Variants in ME3 observed in about 807,000 individuals in gnomAD.
ME3 encodes malic enzyme 3.
ME3 carries 48 observed loss-of-function variants against 68.9 expected under a neutral mutation model. The observed-to-expected ratio is 0.70, with a 90% confidence interval of 0.55 to 0.89. The LOEUF (loss-of-function observed/expected upper bound fraction) is 0.89. Ranked by LOEUF, ME3 falls within the 40% of genes least tolerant of loss-of-function variation. The pLI is 0.00. For synonymous variants in ME3, 320 were observed against 318.8 expected, an observed-to-expected ratio of 1.00 and a Z score of -0.04; for missense variants, 675 against 797.4, an observed-to-expected ratio of 0.85 and a Z score of 1.85.
At chr11:86,668,706 G>A (rs935241367) in intron 2 of ME3, among the ~76,000 whole-genome samples, 3 of 152,296 alleles carry the variant, frequency 2.0e-5, no homozygotes, top group African/African-American at 4.8e-5. Context: ...TGCCCTGGTC[G>A]GCACCTCTTC....
rs561538994 is a variant in ME3, at chr11:86,666,858, CTGAT to C, written c.183+4900_183+4903del. Among the ~76,000 whole-genome samples the C allele has an allele frequency of 3.9e-5, 6 of 152,328 alleles. No homozygotes were observed. In the South Asian group the frequency reaches 1.0e-3, roughly 26 times the overall value. On this transcript the variant is annotated intron_variant, in intron 2 of 14. Coordinates refer to ENST00000543262, the Ensembl canonical transcript of ME3. The stretch of plus-strand genomic sequence containing the variant: ...ATCCATACAACACACTTAACATCTC[CTGAT>C]TGATGAGCCAAATCCATAGTAACAA...
At chr11:86,642,711 A>C (rs774563908) in intron 2 of ME3, among the ~76,000 whole-genome samples, 14 of 152,200 alleles carry the variant, frequency 9.2e-5, no homozygotes, top group Non-Finnish European at 1.9e-4. Flanking sequence ...CTTATAAAAT[A>C]AAATCAAATA....
At chr11:86,655,791 T>C (rs374381460) in intron 2 of ME3, among the ~76,000 whole-genome samples, 13,497 of 151,338 alleles carry the variant, frequency 0.089, 637 homozygotes, top group Non-Finnish European at 0.11. Flanking sequence ...CAAAAGAAAC[T>C]ACCATCAGAG....
intron 8 of ME3, 91 bp from the exon 9 acceptor site, chr11:86,450,489 G>T: frequency 9.4e-7 from 1 of 1,069,248 alleles, no homozygotes; most frequent in Non-Finnish European, 1.4e-6. Context: ...ATCTGGGACT[G>T]TGGAGGAACA....
At chr11:86,582,491 T>C (rs1475522601) in intron 2 of ME3, among the ~76,000 whole-genome samples, 1 of 152,138 alleles carries the variant, frequency 6.6e-6, no homozygotes, top group African/African-American at 2.4e-5. Context: ...TGCTAATCCT[T>C]AACACACATT....
intron 2 of ME3, among the ~76,000 whole-genome samples, chr11:86,639,841 A>G (rs1944556834): frequency 6.6e-6 from 1 of 152,208 alleles, no homozygotes; most frequent in Non-Finnish European, 1.5e-5. Flanking sequence ...AAAGTCTCTA[A>G]GAAGGGCAGA....
chr11:86,554,522 T>G (rs775046081), intron 4 of ME3, among the ~76,000 whole-genome samples: 9 of 152,244 alleles, frequency 5.9e-5, no homozygotes, highest in Non-Finnish European at 1.2e-4. Context: ...TATCAATCCT[T>G]TCTCCTTTCT....
At chr11:86,439,304 A>G (rs1220893259), downstream of ME3, among the ~76,000 whole-genome samples, 1 of 152,232 alleles carries the variant, frequency 6.6e-6, no homozygotes, top group Non-Finnish European at 1.5e-5. Flanking sequence ...TAATTTTGAT[A>G]TGATTTTAAA....
intron 3 of ME3, 100 bp from the exon 4 acceptor site, chr11:86,556,802 G>T: frequency 7.5e-7 from 1 of 1,326,430 alleles, no homozygotes; most frequent in Non-Finnish European, 1.0e-6. Flanking sequence ...TTCCTGCTCA[G>T]CCCGGAACAT....
At chr11:86,446,046 G>A (rs1228137622) in intron 13 of ME3, among the ~76,000 whole-genome samples, 3 of 152,078 alleles carry the variant, frequency 2.0e-5, no homozygotes, top group African/African-American at 7.2e-5. Context: ...GACGCAGGGG[G>A]CAGTATGAGG....
chr11:86,653,159 C>T (rs1014402990), intron 2 of ME3, among the ~76,000 whole-genome samples: 3 of 152,232 alleles, frequency 2.0e-5, no homozygotes, highest in South Asian at 2.1e-4. Context: ...GACTTTAACA[C>T]CCCACTGTCA....
chr11:86,542,093 A>C (rs60517578), intron 4 of ME3, among the ~76,000 whole-genome samples: 3,004 of 152,354 alleles, frequency 0.02, 111 homozygotes, highest in African/African-American at 0.069. Flanking sequence ...TAACAAACAG[A>C]AAGGAATAGC....
chr11:86,636,934 A>T (rs1266992936), intron 2 of ME3, among the ~76,000 whole-genome samples: 1 of 152,210 alleles, frequency 6.6e-6, no homozygotes, highest in Non-Finnish European at 1.5e-5. Flanking sequence ...AAGCTTTAGG[A>T]TGCTGTGAGG....
chr11:86,521,688 A>G (rs1954324482), intron 4 of ME3, among the ~76,000 whole-genome samples: 1 of 152,188 alleles, frequency 6.6e-6, no homozygotes, highest in Non-Finnish European at 1.5e-5. Context: ...GTCTTGACAC[A>G]ATTATTAACA....
intron 2 of ME3, among the ~76,000 whole-genome samples, chr11:86,560,746 GTGTA>G (rs758891244): frequency 0.14 from 12,896 of 89,920 alleles, 1,031 homozygotes; most frequent in South Asian, 0.28. Flanking sequence ...GTGTGTGTGT[GTGTA>G]TATATATATA....
At chr11:86,470,985 A>G (rs1387693896) in intron 7 of ME3, among the ~76,000 whole-genome samples, 6 of 151,938 alleles carry the variant, frequency 3.9e-5, no homozygotes, top group Non-Finnish European at 1.5e-5. Context: ...CTGAACACCT[A>G]CTCAGGTCTT....
intron 4 of ME3, among the ~76,000 whole-genome samples, chr11:86,532,452 G>A (rs1211655423): frequency 6.6e-6 from 1 of 152,172 alleles, no homozygotes; most frequent in African/African-American, 2.4e-5. Context: ...CTCCTGGATA[G>A]ATCATATGTT....
intron 2 of ME3, among the ~76,000 whole-genome samples, chr11:86,651,223 G>A (rs964380273): frequency 1.3e-5 from 2 of 152,210 alleles, no homozygotes; most frequent in African/African-American, 4.8e-5. Context: ...AAATGTCCCT[G>A]TCTGACAGCT....
intron 4 of ME3, among the ~76,000 whole-genome samples, chr11:86,509,780 A>C (rs7102806): frequency 6.8e-6 from 1 of 146,248 alleles, no homozygotes; most frequent in Non-Finnish European, 1.5e-5. Flanking sequence ...AAAAAAGTAC[A>C]GCTGGAATCT....
Sources: allele counts gnomAD v4.1 joint callset (sites outside exome capture counted in the v4.1 genomes callset), GRCh38; gene constraint gnomAD v4.1.1; transcripts MANE v1.5; gene names NCBI Gene and HGNC (gene_info 2026-07-23, HGNC 2026-07-21).